The following RNF144A variants were observed in gnomAD, a reference collection of about 807,000 sequenced individuals.
The protein encoded by RNF144A is ring finger protein 144A.
In RNF144A, 11 loss-of-function variants were observed where a neutral mutation model predicts 38.7. The ratio of observed to expected loss-of-function variants is 0.28; its 90% CI spans 0.18 to 0.47. The LOEUF (loss-of-function observed/expected upper bound fraction) is 0.47. RNF144A is among the 20% of genes least tolerant of loss of function. The pLI, the probability that RNF144A is intolerant of heterozygous loss-of-function variation, is 0.99. For synonymous variants in RNF144A, 149 were observed against 143.9 expected, an observed-to-expected ratio of 1.04 and a Z score of -0.25; for missense variants, 316 against 377.2, an observed-to-expected ratio of 0.84 and a Z score of 1.34.
chr2:7,039,855 G>T lies in RNF144A; in HGVS notation c.*95G>T. The T allele has an allele frequency of 6.6e-6, 10 of 1,519,680 alleles. No individual in the cohort carries two copies. Among genetic ancestry groups the T allele is most frequent in the Non-Finnish European group, 8.9e-6 (10 of 1,129,774 alleles). 94.1% of individuals were successfully genotyped at this position (1,519,680 alleles called of 1,614,324 possible). ...CCCCCCTTCACTAAACATCTTTCTT[G>T]CCTTATGTGCCCCATTGAGCTTCAC... On this transcript the variant is annotated 3_prime_UTR_variant, in exon 9 of 9. Transcript: ENST00000320892.
intron 3 of RNF144A, among the ~76,000 whole-genome samples, chr2:6,999,670 ATAAAAATAG>A (rs1669977675): frequency 6.6e-6 from 1 of 152,152 alleles, no homozygotes; most frequent in Non-Finnish European, 1.5e-5. Context: ...TATAATGGAG[ATAAAAATAG>A]TTTACCTCAA....
At chr2:6,935,163 G>A (rs540344831) in intron 1 of RNF144A, among the ~76,000 whole-genome samples, 2 of 152,190 alleles carry the variant, frequency 1.3e-5, no homozygotes, top group Admixed American at 6.5e-5. Context: ...ATTCATAGAC[G>A]AGTTTAGCAA....
chr2:7,048,484 G>A (rs1029139937), downstream of RNF144A, among the ~76,000 whole-genome samples: 5 of 152,116 alleles, frequency 3.3e-5, no homozygotes, highest in African/African-American at 9.7e-5. Context: ...CATGGGGCCC[G>A]GCCCAACCCC....
intron 2 of RNF144A, among the ~76,000 whole-genome samples, chr2:6,975,018 T>G (rs951835809): frequency 2.0e-5 from 3 of 152,210 alleles, no homozygotes; most frequent in Non-Finnish European, 4.4e-5. Flanking sequence ...ATGGCTTTTA[T>G]TTTTATTAAA....
downstream of RNF144A, among the ~76,000 whole-genome samples, chr2:7,044,685 G>A (rs932601630): frequency 5.9e-5 from 9 of 152,210 alleles, no homozygotes; most frequent in African/African-American, 2.2e-4. Flanking sequence ...ATGAGCTGAA[G>A]ATGTGGTGGT....
intron 2 of RNF144A, among the ~76,000 whole-genome samples, chr2:6,989,437 C>G (rs974161844): frequency 2.6e-5 from 4 of 152,324 alleles, no homozygotes; most frequent in Middle Eastern, 3.4e-3. Context: ...GCTTCATCAC[C>G]TGGAGAATAG....
In RNF144A at chr2:6,917,784, G is replaced by A. The variant is rs1194144352; in HGVS notation, c.-212+162G>A. Reference sequence around the variant, plus strand: ...GGCGCCCGGTGGCAGCGGGCGGGGGGCAGCGTCCCGGGCGGGGACTCGCGG... The same window carrying A: ...GGCGCCCGGTGGCAGCGGGCGGGGGACAGCGTCCCGGGCGGGGACTCGCGG... On this transcript the variant is annotated intron_variant, in intron 1 of 8. Transcript: ENST00000320892. The surrounding 1 kb of genome is among the most constrained non-coding windows in gnomAD (Gnocchi z 4.8). Among the ~76,000 whole-genome samples the A allele has an allele frequency of 1.3e-5, 2 of 150,134 alleles. No individual in the cohort carries two copies. The highest frequency in any genetic ancestry group is 3.0e-5 in the Non-Finnish European group (2 of 67,316).
chr2:6,930,019 T>C (rs1665104250), intron 1 of RNF144A, among the ~76,000 whole-genome samples: 1 of 152,236 alleles, frequency 6.6e-6, no homozygotes, highest in Non-Finnish European at 1.5e-5. Flanking sequence ...AAAGATGCAT[T>C]ATTTTTATTT....
At chr2:7,074,029 A>G in the RNF144A span, among the ~76,000 whole-genome samples, 18 of 152,330 alleles carry the variant, frequency 1.2e-4, no homozygotes, top group Admixed American at 2.0e-4. Context: ...CCCTTGCCCT[A>G]TCCTCAAGAT....
At chr2:7,035,168 C>A (rs392904) in intron 8 of RNF144A, among the ~76,000 whole-genome samples, 4 of 152,050 alleles carry the variant, frequency 2.6e-5, no homozygotes, top group South Asian at 2.1e-4. Context: ...CTCTCTTGCC[C>A]TGTTTTGTTC....
intron 7 of RNF144A, among the ~76,000 whole-genome samples, chr2:7,027,227 G>A (rs1671967898): frequency 6.6e-6 from 1 of 152,132 alleles, no homozygotes; most frequent in South Asian, 2.1e-4. Context: ...CTCCTCATCT[G>A]CACCTGGCCA....
intron 6 of RNF144A, among the ~76,000 whole-genome samples, chr2:7,064,580 T>C (rs1264012074): frequency 1.3e-5 from 2 of 152,066 alleles, no homozygotes; most frequent in Admixed American, 6.5e-5. Context: ...AGAACCTCAC[T>C]GAAGTAAAGG....
chr2:7,067,001 A>G (rs1006462490), intron 6 of RNF144A, among the ~76,000 whole-genome samples: 2 of 152,260 alleles, frequency 1.3e-5, no homozygotes, highest in Admixed American at 6.5e-5. Flanking sequence ...CTGCGTTTAT[A>G]TAAATAATCA....
chr2:6,925,345 G>A (rs916526536), intron 1 of RNF144A, among the ~76,000 whole-genome samples: 8 of 152,118 alleles, frequency 5.3e-5, no homozygotes, highest in African/African-American at 1.9e-4. Context: ...ATTGGTGGCC[G>A]GCAGAGTGGT....
At chr2:7,023,256 A>G (rs993804859) in intron 6 of RNF144A, among the ~76,000 whole-genome samples, 2 of 152,160 alleles carry the variant, frequency 1.3e-5, no homozygotes, top group African/African-American at 4.8e-5. Flanking sequence ...GTGCACCCCA[A>G]GTGGAGGATT....
intron 3 of RNF144A, among the ~76,000 whole-genome samples, chr2:7,003,541 G>T (rs1388878869): frequency 6.6e-6 from 1 of 152,246 alleles, no homozygotes; most frequent in Non-Finnish European, 1.5e-5. Context: ...ACCCTGTACA[G>T]GTTTGTAGCC....
intron 2 of RNF144A, among the ~76,000 whole-genome samples, chr2:6,977,479 A>G (rs1283358646): frequency 6.6e-6 from 1 of 152,272 alleles, no homozygotes; most frequent in Non-Finnish European, 1.5e-5. Flanking sequence ...CACTGCAGAG[A>G]GGATCGCACC....
intron 8 of RNF144A, 73 bp from the exon 9 acceptor site, chr2:7,039,555 TG>T (rs1672916130): frequency 6.4e-7 from 1 of 1,567,612 alleles, no homozygotes; most frequent in African/African-American, 1.4e-5. Flanking sequence ...TAGCTGGTTG[TG>T]TGGTTTACAC....
chr2:7,021,532 G>T (rs1671534148), intron 6 of RNF144A, among the ~76,000 whole-genome samples: 1 of 152,176 alleles, frequency 6.6e-6, no homozygotes, highest in Non-Finnish European at 1.5e-5. Context: ...GGAGTGCCCT[G>T]CTCTGCCCTC....
Sources: gnomAD v4.1 joint callset for allele counts (sites outside exome capture counted in the v4.1 genomes callset) on GRCh38, gnomAD v4.1.1 for gene constraint, Gnocchi (gnomAD v3.1) non-coding constraint, MANE v1.5 for transcripts, NCBI Gene and HGNC (gene_info 2026-07-23, HGNC 2026-07-21) for gene names.